DEPDC1B: variants seen among roughly 807,000 people sequenced by gnomAD.
The protein encoded by DEPDC1B is DEP domain-containing protein 1B.
Under a neutral mutation model 66.5 loss-of-function variants are expected in DEPDC1B, and 51 were observed. The ratio of observed to expected loss-of-function variants is 0.77; its 90% CI spans 0.61 to 0.97. The LOEUF (loss-of-function observed/expected upper bound fraction) is 0.97, where lower values mean the gene tolerates loss of function less well. DEPDC1B is among the 50% of genes least tolerant of loss of function. DEPDC1B has a pLI of 0.00. For missense variants in DEPDC1B, 552 were observed against 637.1 expected, an observed-to-expected ratio of 0.87 and a Z score of 1.44; for synonymous variants, 226 against 223.6, an observed-to-expected ratio of 1.01 and a Z score of -0.10.
At chr5:60,613,788 T>TTTTGTG (rs1554051073) in intron 7 of DEPDC1B, among the ~76,000 whole-genome samples, 1 of 103,318 alleles carries the variant, frequency 9.7e-6, no homozygotes, top group Non-Finnish European at 2.0e-5. Flanking sequence ...ACATATGTAT[T>TTTTGTG]TGTGTGTGTG....
intron 2 of DEPDC1B, among the ~76,000 whole-genome samples, chr5:60,660,227 AGAGAGACAGACAGAGAG>A (rs1178187538): frequency 2.7e-5 from 4 of 150,548 alleles, no homozygotes; most frequent in African/African-American, 7.4e-5. Context: ...GCGAGGAGAG[AGAGAGACAGACAGAGAG>A]GAGAGACAGA....
At chr5:60,621,706 A>C (rs900240529) in intron 7 of DEPDC1B, among the ~76,000 whole-genome samples, 3 of 152,208 alleles carry the variant, frequency 2.0e-5, no homozygotes, top group Non-Finnish European at 4.4e-5. Flanking sequence ...GTATTAAAAG[A>C]AAAAAAGAAA....
intron 2 of DEPDC1B, among the ~76,000 whole-genome samples, chr5:60,661,607 T>C (rs1278531131): frequency 8.5e-5 from 13 of 152,154 alleles, no homozygotes; most frequent in Admixed American, 8.5e-4. Context: ...GATGGCTATA[T>C]TGATGTTTTA....
rs140004855 is a variant in DEPDC1B, at chr5:60,605,720, G to C, written c.1035C>G (p.Pro345=). The C allele has an allele frequency of 1.9e-6, 3 of 1,612,228 alleles. No homozygotes were observed. Among genetic ancestry groups the C allele is most frequent in the African/African-American group, 1.3e-5 (1 of 74,816 alleles). Residue 345 remains proline (P), a synonymous_variant, in exon 8 of 11, where the codon CCC becomes CCG. Coordinates refer to ENST00000265036, the MANE Select transcript of DEPDC1B (RefSeq NM_018369.3). ...TTCGGGTACCAAAGCCATCACACAG[G>C]GGTGGCATCTCTTTGTTTAAGCAAA... ...ARICLNKEMP[P]LCDGFGTRTL...
chr5:60,639,608 TCAA>T (rs746538726), intron 6 of DEPDC1B, among the ~76,000 whole-genome samples: 1 of 152,106 alleles, frequency 6.6e-6, no homozygotes. Flanking sequence ...TCCTACTCCA[TCAA>T]CAAGCAAGGA....
At chr5:60,679,830 C>T (rs1254202847) in intron 2 of DEPDC1B, among the ~76,000 whole-genome samples, 2 of 152,182 alleles carry the variant, frequency 1.3e-5, no homozygotes, top group African/African-American at 2.4e-5. Context: ...TCATAATATA[C>T]ATTTTTATTT....
intron 5 of DEPDC1B, 40 bp downstream of exon 5, chr5:60,644,705 A>T: frequency 1.9e-6 from 3 of 1,552,918 alleles, no homozygotes; most frequent in Non-Finnish European, 2.6e-6. Context: ...CAGCCAATAT[A>T]TTATGTCAAT....
intron 8 of DEPDC1B, among the ~76,000 whole-genome samples, chr5:60,603,826 C>CAT (rs34747463): frequency 0.11 from 16,721 of 145,930 alleles, 1,102 homozygotes; most frequent in African/African-American, 0.19. Context: ...TTTAAATATA[C>CAT]ATATATATAT....
chr5:60,630,531 A>G (rs982044999), intron 7 of DEPDC1B: 1 of 152,298 alleles, frequency 6.6e-6, no homozygotes, highest in Admixed American at 6.5e-5. Flanking sequence ...CTGTTCTGGA[A>G]AGAAAGGCAT....
chr5:60,678,649 T>C (rs1254789619), intron 2 of DEPDC1B, among the ~76,000 whole-genome samples: 1 of 152,220 alleles, frequency 6.6e-6, no homozygotes, highest in African/African-American at 2.4e-5. Context: ...CCCTAATGTA[T>C]ACTACATCAA....
intron 2 of DEPDC1B, among the ~76,000 whole-genome samples, chr5:60,657,864 T>C (rs1753614113): frequency 6.6e-6 from 1 of 152,244 alleles, no homozygotes; most frequent in Non-Finnish European, 1.5e-5. Context: ...AAGTTTTCCT[T>C]GATTATTCCC....
chr5:60,605,540 C>T, intron 8 of DEPDC1B, 150 bp downstream of exon 8: 2 of 753,520 alleles, frequency 2.7e-6, no homozygotes, highest in Non-Finnish European at 3.9e-6. Context: ...ACACTTAGAA[C>T]AAAAGCACGA....
intron 2 of DEPDC1B, among the ~76,000 whole-genome samples, chr5:60,682,448 T>C (rs934177000): frequency 6.6e-6 from 1 of 152,090 alleles, no homozygotes; most frequent in Non-Finnish European, 1.5e-5. Context: ...CACACCAACA[T>C]GACACATGTA....
chr5:60,700,067 C>A lies in DEPDC1B; in HGVS notation c.27G>T (p.Gly9=). 6.4e-7 allele frequency: 1 copy of A among 1,558,276 alleles called. No individual in the cohort carries two copies. Among genetic ancestry groups the A allele is most frequent in the African/African-American group, 1.4e-5 (1 of 73,528 alleles). The change falls in exon 1 of 11, where the codon GGG becomes GGT. Residue 9 remains glycine (G), a synonymous_variant. Transcript: ENST00000265036. The part of the protein sequence containing the change: MEHRIVGP[G]PYRATRLWNE... Reference sequence around the variant, plus strand: ...TCACCAGCCTGGTAGCTCGGTACGGCCCGGGCCCCACGATGCGATGCTCCA... The same window carrying A: ...TCACCAGCCTGGTAGCTCGGTACGGACCGGGCCCCACGATGCGATGCTCCA...
chr5:60,685,629 T>A (rs1181783500), intron 2 of DEPDC1B, among the ~76,000 whole-genome samples: 2 of 152,172 alleles, frequency 1.3e-5, no homozygotes, highest in Non-Finnish European at 2.9e-5. Flanking sequence ...TGGGACTCGA[T>A]GGGAGGTACC....
chr5:60,687,642 C>T (rs1754452476), intron 1 of DEPDC1B: 1 of 156,368 alleles, frequency 6.4e-6, no homozygotes, highest in South Asian at 1.8e-4. Context: ...TCTCCTGCCT[C>T]AGCCTCCCGA....
At chr5:60,659,307 C>A (rs1753652631) in intron 2 of DEPDC1B, among the ~76,000 whole-genome samples, 1 of 152,164 alleles carries the variant, frequency 6.6e-6, no homozygotes, top group South Asian at 2.1e-4. Context: ...TATGGGGATT[C>A]TCCAAAGCAG....
rs370367699 is a variant in DEPDC1B, at chr5:60,645,631, G to A, written c.451-12C>T. 2 of 1,598,752 alleles carry A rather than the reference G, an allele frequency of 1.3e-6. No individual in the cohort carries two copies. The highest frequency in any genetic ancestry group is 1.7e-5 in the Admixed American group (1 of 57,156). The stretch of plus-strand genomic sequence containing the variant: ...CACATCTCAGAATTCTAATGGAGGG[G>A]GGATGTAAGAAGGGAGGGAAGGAGA... On this transcript the variant is annotated splice_polypyrimidine_tract_variant and intron_variant, in intron 3 of 10. Transcript: ENST00000265036.
intron 7 of DEPDC1B, among the ~76,000 whole-genome samples, chr5:60,637,745 T>G (rs1046617278): frequency 2.6e-5 from 4 of 152,244 alleles, no homozygotes; most frequent in African/African-American, 9.6e-5. Context: ...TGTTCCAATG[T>G]TGTTCTGTGG....
Sources: gnomAD v4.1 joint callset for allele counts (sites outside exome capture counted in the v4.1 genomes callset) on GRCh38, gnomAD v4.1.1 for gene constraint, MANE v1.5 for transcripts, NCBI Gene and HGNC (gene_info 2026-07-23, HGNC 2026-07-21) for gene names.